CAPN3: variants seen among roughly 807,000 people sequenced by gnomAD.
CAPN3 encodes the protein calpain 3, also known as calpain-3.
CAPN3 carries 88 observed loss-of-function variants against 114.0 expected under a neutral mutation model. The ratio of observed to expected loss-of-function variants is 0.77; its 90% confidence interval spans 0.65 to 0.92. The LOEUF is 0.92. CAPN3 is among the 40% of genes least tolerant of loss of function. The probability of loss-of-function intolerance (pLI) is 0.00; values close to 1 mark genes in which losing one functional copy is unlikely to be tolerated. For synonymous variants in CAPN3, 386 were observed against 382.9 expected, an observed-to-expected ratio of 1.01 and a Z score of -0.09; for missense variants, 1,028 against 1,069.0, an observed-to-expected ratio of 0.96 and a Z score of 0.53.
At chr15:42,394,994 T>C (rs1040880643) in intron 8 of CAPN3, among the ~76,000 whole-genome samples, 17 of 152,152 alleles carry the variant, frequency 1.1e-4, no homozygotes, top group Non-Finnish European at 2.4e-4. Context: ...CATAAGCGCC[T>C]CTTATTTCGA....
chr15:42,407,355 G>A (rs998450538), intron 15 of CAPN3, among the ~76,000 whole-genome samples: 4 of 151,848 alleles, frequency 2.6e-5, no homozygotes, highest in Non-Finnish European at 4.4e-5. Flanking sequence ...TTTTGAGACA[G>A]TCTCACTCTG....
At chr15:42,410,296 T>C (rs2054170120) in intron 19 of CAPN3, 132 bp from the exon 20 acceptor site, 1 of 871,908 alleles carries the variant, frequency 1.1e-6, no homozygotes, top group African/African-American at 1.6e-5. Flanking sequence ...CTCTGACTGG[T>C]GGTGGAGTGG....
intron 4 of CAPN3, among the ~76,000 whole-genome samples, chr15:42,388,111 C>G (rs1352217539): frequency 2.0e-5 from 3 of 152,146 alleles, no homozygotes; most frequent in Non-Finnish European, 4.4e-5. Flanking sequence ...CATAGAAGAC[C>G]TTTAGCTTTA....
At chr15:42,398,379 G>A (rs1203334017) in intron 9 of CAPN3, among the ~76,000 whole-genome samples, 1 of 152,074 alleles carries the variant, frequency 6.6e-6, no homozygotes, top group African/African-American at 2.4e-5. Flanking sequence ...GAGGTCAGAA[G>A]TTCAAGACTA....
intron 1 of CAPN3, among the ~76,000 whole-genome samples, chr15:42,378,778 C>A (rs1311907081): frequency 1.3e-5 from 2 of 151,996 alleles, no homozygotes; most frequent in Non-Finnish European, 2.9e-5. Flanking sequence ...GCATTTAATG[C>A]TATAACTTTC....
Position 42,410,007 on chromosome 15 carries a change from GCCGCCCCTTC to G in CAPN3, c.2115+16_2115+25del. On this transcript the variant is annotated intron_variant, in intron 19 of 23. Coordinates refer to ENST00000397163, the MANE Select transcript of CAPN3 (RefSeq NM_000070.3). ...TTGCGCTCATGGATGTATCCTTCCT[GCCGCCCCTTC>G]CCGACCCTCTGTCATCAGCCCACGG... 6.2e-7 allele frequency: 1 copy of G among 1,611,350 alleles called. No individual in the cohort carries two copies. Among genetic ancestry groups the G allele is most frequent in the East Asian group, 2.2e-5 (1 of 44,866 alleles).
intron 1 of CAPN3, among the ~76,000 whole-genome samples, chr15:42,375,509 C>CA (rs936382350): frequency 2.0e-5 from 3 of 151,522 alleles, no homozygotes; most frequent in Non-Finnish European, 2.9e-5. Context: ...CTCAGAGCTC[C>CA]AAAAAGGGTT....
Position 42,403,520 on chromosome 15 carries a change from G to C in CAPN3, c.1746-221G>C, listed in dbSNP as rs28364498. On this transcript the variant is annotated intron_variant, in intron 13 of 23. Coordinates refer to ENST00000397163, the MANE Select transcript of CAPN3 (RefSeq NM_000070.3). ...GGTAGGTGGCTGGGTCATGCCTTTG[G>C]GGGGCTCTGAGCAATACTAACAAGA... Among the ~76,000 whole-genome samples the C allele has an allele frequency of 0.069, 10,480 of 152,084 alleles. 1,140 individuals are homozygous for C. Among genetic ancestry groups the C allele is most frequent in the African/African-American group, 0.23 (9,377 of 41,434 alleles).
chr15:42,373,510 T>C lies in CAPN3; in HGVS notation c.310-10973T>C, dbSNP rs150712219. ...CCCATGTCAGCTCCCTGCTCTTACA[T>C]TAGAGCTGCCTATTTAAGCACAGTG... On this transcript the variant is annotated intron_variant, in intron 1 of 23. Coordinates refer to ENST00000397163, the MANE Select transcript of CAPN3 (RefSeq NM_000070.3). Among the ~76,000 whole-genome samples the C allele has an allele frequency of 4.0e-3, 603 of 152,336 alleles. 3 individuals carry two copies. The highest frequency in any genetic ancestry group is 0.014 in the African/African-American group (581 of 41,566).
At chr15:42,371,683 G>T (rs1485601289) in intron 1 of CAPN3, among the ~76,000 whole-genome samples, 1 of 151,990 alleles carries the variant, frequency 6.6e-6, no homozygotes, top group African/African-American at 2.4e-5. Flanking sequence ...ACTTTTTTAG[G>T]CTGGGCGTGG....
At chr15:42,360,790 T>G (rs946975730) in intron 1 of CAPN3, among the ~76,000 whole-genome samples, 2 of 152,154 alleles carry the variant, frequency 1.3e-5, no homozygotes, top group Admixed American at 1.3e-4. Context: ...TTTAGGAAAC[T>G]CTCCCAGCCT....
At chr15:42,390,345 G>A (rs1026089221) in intron 6 of CAPN3, among the ~76,000 whole-genome samples, 7 of 152,160 alleles carry the variant, frequency 4.6e-5, no homozygotes, top group Admixed American at 1.3e-4. Flanking sequence ...CTCTCATAAC[G>A]AACTATCAGA....
intron 11 of CAPN3, 34 bp from the exon 12 acceptor site, chr15:42,402,090 A>G: frequency 6.2e-7 from 1 of 1,612,866 alleles, no homozygotes; most frequent in African/African-American, 1.3e-5. Context: ...CCTCATTCAC[A>G]TCTGAAGCAT....
Position 42,394,426 on chromosome 15 carries a change from A to C in CAPN3, c.1115+85A>C. ...GTGTTGGGAACTGAGCCATGAGAGTATTGAAGATGCTTGGTATAAAATCAC... is the reference window on the plus strand; with the variant it reads ...GTGTTGGGAACTGAGCCATGAGAGTCTTGAAGATGCTTGGTATAAAATCAC... On this transcript the variant is annotated intron_variant, in intron 8 of 23. Transcript: ENST00000397163. 6 of 1,036,194 alleles carry C rather than the reference A, an allele frequency of 5.8e-6. No homozygotes were observed. The South Asian group carries it at 6.8e-5, about 12-fold the overall frequency. 64.2% of individuals were successfully genotyped at this position (1,036,194 alleles called of 1,614,324 possible).
At chr15:42,368,045 C>T (rs1321681085) in intron 1 of CAPN3, among the ~76,000 whole-genome samples, 10 of 152,200 alleles carry the variant, frequency 6.6e-5, no homozygotes, top group Non-Finnish European at 1.3e-4. Context: ...ACATGGAGGA[C>T]GTCAGTGCTA....
Position 42,399,658 on chromosome 15 carries a change from A to G in CAPN3, c.1354+6A>G. The G allele has an allele frequency of 6.3e-7, 1 of 1,594,186 alleles. No individual in the cohort carries two copies. Among genetic ancestry groups the G allele is most frequent in the Non-Finnish European group, 8.6e-7 (1 of 1,169,042 alleles). On this transcript the variant is annotated splice_donor_region_variant and intron_variant, in intron 10 of 23. Coordinates refer to ENST00000397163, the MANE Select transcript of CAPN3 (RefSeq NM_000070.3). ...AGGCTGCCGCAACTTCCCAGGTGGGAGATGCTCTTGATGGGGGGAGGGTCT... is the reference window on the plus strand; with the variant it reads ...AGGCTGCCGCAACTTCCCAGGTGGGGGATGCTCTTGATGGGGGGAGGGTCT...
At position 42,380,744 on chromosome 15, in the gene CAPN3, T is replaced by G. The variant is rs1293607723; in HGVS notation, c.310-3739T>G. Among the ~76,000 whole-genome samples, 72 of 59,282 alleles carry G rather than the reference T, an allele frequency of 1.2e-3. 1 individual carries two copies. The highest frequency in any genetic ancestry group is 6.4e-3 in the Admixed American group (38 of 5,974). The allele number at this position is 59,282 out of a possible 152,430, so 38.9% of individuals were successfully genotyped here. On this transcript the variant is annotated intron_variant, in intron 1 of 23. Transcript: ENST00000397163. Reference sequence around the variant, plus strand: ...CACCTTCCCCATATATATATATATATATATATATTTTTTTTTTTTTTTTTT... The same window carrying G: ...CACCTTCCCCATATATATATATATAGATATATATTTTTTTTTTTTTTTTTT...
chr15:42,399,716 A>T (rs1350887775), intron 10 of CAPN3, 64 bp downstream of exon 10: 7 of 1,329,540 alleles, frequency 5.3e-6, no homozygotes, highest in Non-Finnish European at 7.3e-6. Flanking sequence ...AAGAAGCCTA[A>T]CTAGTGCTTA....
At chr15:42,396,094 C>T (rs1434631611) in intron 8 of CAPN3, among the ~76,000 whole-genome samples, 1 of 152,148 alleles carries the variant, frequency 6.6e-6, no homozygotes, top group Non-Finnish European at 1.5e-5. Flanking sequence ...TGCATCTGCC[C>T]ATCCCAGCCC....
Sources: allele counts gnomAD v4.1 joint callset (sites outside exome capture counted in the v4.1 genomes callset), GRCh38; gene constraint gnomAD v4.1.1; transcripts MANE v1.5; gene names NCBI Gene and HGNC (gene_info 2026-07-23, HGNC 2026-07-21).